The following HEBP1 variants were observed in gnomAD, a reference collection of about 807,000 sequenced individuals.
HEBP1 encodes heme-binding protein 1.
A neutral mutation model predicts 20.4 loss-of-function variants in HEBP1; 13 were observed. That is an observed-to-expected ratio of 0.64 (90% CI 0.42 to 1.01). The LOEUF is 1.01. HEBP1 is among the 50% of genes least tolerant of loss of function. The pLI, the probability that HEBP1 is intolerant of heterozygous loss-of-function variation, is 0.00. For synonymous variants in HEBP1, 92 were observed against 90.7 expected (o/e 1.01, Z -0.08); for missense variants, 241 against 247.3 (o/e 0.97, Z 0.17).
chr12:12,982,167 G>A (rs1032929706), intron 3 of HEBP1, among the ~76,000 whole-genome samples: 6 of 152,244 alleles, frequency 3.9e-5, no homozygotes, highest in African/African-American at 1.4e-4. Flanking sequence ...CTAGCCAAAG[G>A]CCCTGCCCTT....
intron 1 of HEBP1, among the ~76,000 whole-genome samples, chr12:12,992,828 T>A (rs979295980): frequency 1.3e-5 from 2 of 152,182 alleles, no homozygotes; most frequent in Non-Finnish European, 2.9e-5. Flanking sequence ...AGAAACACTA[T>A]CCTGTGAATC....
chr12:12,983,702 G>A (rs565501389), intron 3 of HEBP1: 4 of 456,022 alleles, frequency 8.8e-6, no homozygotes, highest in South Asian at 1.5e-5. Flanking sequence ...AAATTCCATG[G>A]AGCCAGGCTA....
At chr12:12,992,022 C>T (rs1864230306) in intron 1 of HEBP1, among the ~76,000 whole-genome samples, 1 of 152,138 alleles carries the variant, frequency 6.6e-6, no homozygotes, top group African/African-American at 2.4e-5. Context: ...TTATGAAAAA[C>T]AGACACATGG....
chr12:12,995,469 C>A (rs548602999), intron 1 of HEBP1, among the ~76,000 whole-genome samples: 11 of 152,060 alleles, frequency 7.2e-5, no homozygotes, highest in Non-Finnish European at 1.5e-4. Context: ...AATACAAGAG[C>A]CATAATAGAT....
chr12:12,984,376 TGG>T (rs1317982185), intron 3 of HEBP1: 2 of 152,340 alleles, frequency 1.3e-5, no homozygotes, highest in Non-Finnish European at 2.9e-5. Context: ...TCAGACACTG[TGG>T]GCCCCTGAAG....
intron 3 of HEBP1, among the ~76,000 whole-genome samples, chr12:12,982,625 A>G (rs1180544040): frequency 2.0e-5 from 3 of 152,218 alleles, no homozygotes; most frequent in Non-Finnish European, 4.4e-5. Flanking sequence ...ACAGCTGACA[A>G]AGTTCTTTCA....
intron 3 of HEBP1, chr12:12,977,350 G>T (rs1565490103): frequency 6.6e-6 from 1 of 152,244 alleles, no homozygotes; most frequent in African/African-American, 2.4e-5. Context: ...TTGTTACTTG[G>T]CAGTTTGCTC....
chr12:12,993,750 C>T (rs1188521484), intron 1 of HEBP1, among the ~76,000 whole-genome samples: 7 of 152,090 alleles, frequency 4.6e-5, no homozygotes, highest in African/African-American at 1.4e-4. Flanking sequence ...TTCATTTAAC[C>T]AACAACTACT....
rs897540098 is a variant in HEBP1, at chr12:13,000,017, C to T, written c.78+20G>A. 3.2e-6 allele frequency: 5 copies of T among 1,583,220 alleles called. No homozygotes were observed. In the African/African-American group the frequency reaches 5.4e-5, roughly 17 times the overall value. ...GGGAGGCAGCAATCCTTCAGGTCCTCGGCAGCCCTGCGGGCCTACCTTGTC... is the reference window on the plus strand; with the variant it reads ...GGGAGGCAGCAATCCTTCAGGTCCTTGGCAGCCCTGCGGGCCTACCTTGTC... On this transcript the variant is annotated intron_variant, in intron 1 of 3. Transcript: ENST00000014930.
rs983449928 is a variant in HEBP1 at position 12,996,979 on chromosome 12, A to G, written c.78+3058T>C. 1.8e-4 allele frequency among the ~76,000 whole-genome samples: 27 copies of G among 152,252 alleles called. No individual in the cohort carries two copies. Among genetic ancestry groups the G allele is most frequent in the Admixed American group, 6.5e-5 (1 of 15,290 alleles). The stretch of plus-strand genomic sequence containing the variant: ...GAATGAAGCTGAGATGAGCACTGAT[A>G]TAATGCTATTACTATATTTGTAGGG... On this transcript the variant is annotated intron_variant, in intron 1 of 3. Coordinates refer to ENST00000014930, the MANE Select transcript of HEBP1 (RefSeq NM_015987.5). The surrounding 1 kb of genome is among the most constrained non-coding windows in gnomAD (Gnocchi z 4.1).
chr12:12,996,497 G>A lies in HEBP1; in HGVS notation c.78+3540C>T, dbSNP rs970257574. Among the ~76,000 whole-genome samples, 4 of 152,196 alleles carry A rather than the reference G, an allele frequency of 2.6e-5. No homozygotes were observed. The highest frequency in any genetic ancestry group is 9.7e-5 in the African/African-American group (4 of 41,438). ...ACTTGGAATCAGTCCCCAACATCTG[G>A]TGAGCCTGAAGCCCATGCTATGTGG... On this transcript the variant is annotated intron_variant, in intron 1 of 3. Coordinates refer to ENST00000014930, the MANE Select transcript of HEBP1 (RefSeq NM_015987.5). This position sits in a 1 kb window ranked among gnomAD's most constrained non-coding sequence, Gnocchi z 4.1.
intron 3 of HEBP1, chr12:12,978,986 A>C (rs889577642): frequency 3.3e-5 from 5 of 152,292 alleles, no homozygotes; most frequent in Non-Finnish European, 5.9e-5. Context: ...GGGAAGGAGA[A>C]GGATCTAGTG....
In HEBP1 at chr12:12,987,247, C is replaced by T. The variant is rs779182161; in HGVS notation, c.303G>A (p.Trp101Ter). Residue 101 changes from tryptophan (W) to a stop codon, truncating the protein, a stop_gained, in exon 3 of 4, where the codon TGG becomes TGA. Coordinates refer to ENST00000014930, the MANE Select transcript of HEBP1 (RefSeq NM_015987.5). LOFTEE classifies it high-confidence loss of function. Reference sequence around the variant, plus strand: ...TTTGAAATTGGTTTGGAATCCGGAACCAGACTTTTAATTTCTTCTGCAGAG... The same window carrying T: ...TTTGAAATTGGTTTGGAATCCGGAATCAGACTTTTAATTTCTTCTGCAGAG... The part of the protein sequence containing the change: ...DGSLQKKLKV[W>*]FRIPNQFQSD... 3.1e-6 allele frequency: 5 copies of T among 1,613,866 alleles called. No individual in the cohort carries two copies. The South Asian group carries it at 5.5e-5, about 18-fold the overall frequency.
In HEBP1 at chr12:12,991,799, TCTC is replaced by T. The variant is rs1239861002; in HGVS notation, c.79-2387_79-2385del. On this transcript the variant is annotated intron_variant, in intron 1 of 3. Coordinates refer to ENST00000014930, the MANE Select transcript of HEBP1 (RefSeq NM_015987.5). ...TGTTCCTTCCCCTATCCTGTTTTCT[TCTC>T]TTCTACTCTACTGGAGTGAATTTTA... Among the ~76,000 whole-genome samples the T allele has an allele frequency of 4.6e-5, 7 of 152,322 alleles. No homozygotes were observed. In the East Asian group the frequency reaches 1.3e-3, roughly 29 times the overall value.
chr12:12,985,008 C>T (rs1864134301), intron 3 of HEBP1, among the ~76,000 whole-genome samples: 1 of 151,698 alleles, frequency 6.6e-6, no homozygotes, highest in African/African-American at 2.4e-5. Flanking sequence ...AAATATTAGG[C>T]ACAGTGGCAG....
chr12:12,979,053 G>C (rs1381801251), intron 3 of HEBP1: 1 of 152,186 alleles, frequency 6.6e-6, no homozygotes, highest in Non-Finnish European at 1.5e-5. Flanking sequence ...GGTAAGAAGT[G>C]ACATGTGGTA....
At chr12:12,990,788 C>A (rs1864215425) in intron 1 of HEBP1, among the ~76,000 whole-genome samples, 1 of 152,216 alleles carries the variant, frequency 6.6e-6, no homozygotes, top group Non-Finnish European at 1.5e-5. Flanking sequence ...CCTCAAATTG[C>A]TCCTGGGGAT....
At position 13,000,188 on chromosome 12, in the gene HEBP1, C is replaced by A; in HGVS notation, c.-74G>T. The stretch of plus-strand genomic sequence containing the variant: ...GGCGACGGAGCACCACGGGCAGCGA[C>A]CACCGGCGGCAGGGCGGCAGGGCGG... On this transcript the variant is annotated 5_prime_UTR_variant, in exon 1 of 4. Coordinates refer to ENST00000014930, the MANE Select transcript of HEBP1 (RefSeq NM_015987.5). The A allele has an allele frequency of 1.6e-6, 1 of 638,492 alleles. No homozygotes were observed. Among genetic ancestry groups the A allele is most frequent in the Non-Finnish European group, 2.5e-6 (1 of 395,130 alleles). 39.6% of individuals were successfully genotyped at this position (638,492 alleles called of 1,614,324 possible).
chr12:12,978,375 G>A (rs1864027539), intron 3 of HEBP1, among the ~76,000 whole-genome samples: 2 of 151,752 alleles, frequency 1.3e-5, no homozygotes, highest in African/African-American at 2.4e-5. Flanking sequence ...GCTAATTTTT[G>A]TATTTTTAGT....
Sources: gnomAD v4.1 joint callset for allele counts (sites outside exome capture counted in the v4.1 genomes callset) on GRCh38, gnomAD v4.1.1 for gene constraint, Gnocchi (gnomAD v3.1) non-coding constraint, MANE v1.5 for transcripts, NCBI Gene and HGNC (gene_info 2026-07-23, HGNC 2026-07-21) for gene names.